The following ROBO1 variants were observed in gnomAD, a reference collection of about 807,000 sequenced individuals.
ROBO1 encodes roundabout homolog 1.
Under a neutral mutation model 195.9 loss-of-function variants are expected in ROBO1, and 149 were observed. The ratio of observed to expected loss-of-function variants is 0.76; its 90% confidence interval spans 0.67 to 0.87. ROBO1 has a LOEUF of 0.87. Ranked by LOEUF, ROBO1 falls within the 40% of genes least tolerant of loss-of-function variation. ROBO1 has a pLI of 0.00. For missense variants in ROBO1, 1,933 were observed against 2,068.3 expected (o/e 0.93, Z 1.27); for synonymous variants, 816 against 733.2 (o/e 1.11, Z -1.82).
intron 4 of ROBO1, among the ~76,000 whole-genome samples, chr3:78,861,610 C>T (rs1464938272): frequency 1.3e-5 from 2 of 152,180 alleles, no homozygotes; most frequent in South Asian, 2.1e-4. Flanking sequence ...TCTTTGCTCT[C>T]ATGTTATGTT....
At chr3:78,950,319 T>C (rs2040703241) in intron 3 of ROBO1, among the ~76,000 whole-genome samples, 1 of 151,952 alleles carries the variant, frequency 6.6e-6, no homozygotes, top group African/African-American at 2.4e-5. Flanking sequence ...CACCATGGAA[T>C]ACTATGCAAC....
intron 1 of ROBO1, among the ~76,000 whole-genome samples, chr3:79,596,906 T>G (rs1213835917): frequency 1.3e-5 from 2 of 152,000 alleles, no homozygotes; most frequent in Non-Finnish European, 2.9e-5. Flanking sequence ...TAGATGATTC[T>G]TAGTATATTA....
At chr3:79,715,801 A>G (rs761100443) in intron 1 of ROBO1, among the ~76,000 whole-genome samples, 1 of 152,100 alleles carries the variant, frequency 6.6e-6, no homozygotes. Flanking sequence ...TCTTAACCAC[A>G]TTCATTTCAA....
At chr3:78,977,600 T>C (rs562470046) in intron 3 of ROBO1, among the ~76,000 whole-genome samples, 44 of 150,408 alleles carry the variant, frequency 2.9e-4, no homozygotes, top group African/African-American at 9.7e-4. Context: ...AATATATATA[T>C]AATATATATT....
At position 78,971,965 on chromosome 3, in the gene ROBO1, A is replaced by G. The variant is rs112506992; in HGVS notation, c.173-33038T>C. Reference sequence around the variant, plus strand: ...GTATTTTTAGTAGAGAGGTGGTTTCACTATGTTGGCCAGGCTGGTCTCGAA... The same window carrying G: ...GTATTTTTAGTAGAGAGGTGGTTTCGCTATGTTGGCCAGGCTGGTCTCGAA... On this transcript the variant is annotated intron_variant, in intron 3 of 30. Coordinates refer to ENST00000464233, the MANE Select transcript of ROBO1 (RefSeq NM_002941.4). Among the ~76,000 whole-genome samples the G allele has an allele frequency of 3.0e-3, 460 of 152,216 alleles. 4 individuals are homozygous for G. The highest frequency in any genetic ancestry group is 0.011 in the African/African-American group (449 of 41,528).
chr3:78,688,153 C>T (rs1175430134), intron 9 of ROBO1, among the ~76,000 whole-genome samples: 1 of 152,090 alleles, frequency 6.6e-6, no homozygotes, highest in Admixed American at 6.6e-5. Flanking sequence ...TGATAGTTTT[C>T]AACACATTTG....
intron 2 of ROBO1, chr3:79,532,974 A>C (rs2107616807): frequency 3.3e-6 from 1 of 307,180 alleles, no homozygotes; most frequent in South Asian, 2.7e-5. Flanking sequence ...TAGTTAAATT[A>C]ATCATCTGCT....
intron 2 of ROBO1, among the ~76,000 whole-genome samples, chr3:79,169,179 C>T (rs1316652939): frequency 6.6e-6 from 1 of 152,050 alleles, no homozygotes; most frequent in Non-Finnish European, 1.5e-5. Context: ...TTCAAGAGTA[C>T]ATATTAGTGC....
intron 2 of ROBO1, among the ~76,000 whole-genome samples, chr3:79,503,039 A>G (rs1319468278): frequency 6.6e-6 from 1 of 152,034 alleles, no homozygotes; most frequent in African/African-American, 2.4e-5. Context: ...AACAGTGACA[A>G]CCTCTCAGGT....
At position 79,321,250 on chromosome 3, in the gene ROBO1, G is replaced by T. The variant is rs894076254; in HGVS notation, c.89-195711C>A. ...TATTGCTAGTGTGTTTTTTTCTATAGGGGTATTTACATTTGGAAATTTTTA... is the reference window on the plus strand; with the variant it reads ...TATTGCTAGTGTGTTTTTTTCTATATGGGTATTTACATTTGGAAATTTTTA... On this transcript the variant is annotated intron_variant, in intron 2 of 30. Transcript: ENST00000464233. Among the ~76,000 whole-genome samples, 5 of 151,602 alleles carry T rather than the reference G, an allele frequency of 3.3e-5. No homozygotes were observed. In the South Asian group the frequency reaches 6.2e-4, roughly 19 times the overall value.
chr3:79,284,422 T>G (rs1261964914), intron 2 of ROBO1, among the ~76,000 whole-genome samples: 1 of 152,162 alleles, frequency 6.6e-6, no homozygotes. Flanking sequence ...CCATGGCACA[T>G]GTATACCTAT....
intron 4 of ROBO1, among the ~76,000 whole-genome samples, chr3:78,919,714 T>G (rs115023497): frequency 6.6e-6 from 1 of 152,134 alleles, no homozygotes; most frequent in Non-Finnish European, 1.5e-5. Context: ...ACAGAAAAAG[T>G]TGAGGAAGGT....
chr3:79,549,442 C>T (rs950497450), intron 2 of ROBO1, among the ~76,000 whole-genome samples: 2 of 152,048 alleles, frequency 1.3e-5, no homozygotes, highest in African/African-American at 2.4e-5. Flanking sequence ...GTCGGCCCTC[C>T]GTATCTATGA....
At position 78,621,311 on chromosome 3, in the gene ROBO1, A is replaced by C. The variant is rs538415530; in HGVS notation, c.3876-3270T>G. Among the ~76,000 whole-genome samples, 5 of 152,342 alleles carry C rather than the reference A, an allele frequency of 3.3e-5. No individual in the cohort carries two copies. In the East Asian group the frequency reaches 7.7e-4, roughly 24 times the overall value. On this transcript the variant is annotated intron_variant, in intron 26 of 30. Transcript: ENST00000464233. ...GCATACAAACCCAAAATACCACAAG[A>C]AACTTCTTCCTTCTTAAAGACATGT...
chr3:79,506,996 C>T (rs908622467), intron 2 of ROBO1, among the ~76,000 whole-genome samples: 5 of 152,146 alleles, frequency 3.3e-5, no homozygotes, highest in Admixed American at 2.6e-4. Context: ...TTTATGCAGC[C>T]ACATCACCTA....
intron 8 of ROBO1, among the ~76,000 whole-genome samples, chr3:78,705,272 T>C (rs915513461): frequency 6.6e-6 from 1 of 152,192 alleles, no homozygotes; most frequent in Non-Finnish European, 1.5e-5. Context: ...TTTAATTTAG[T>C]TTTGGAAGAA....
chr3:78,912,738 T>C (rs575435456), intron 4 of ROBO1, among the ~76,000 whole-genome samples: 1 of 152,278 alleles, frequency 6.6e-6, no homozygotes, highest in Non-Finnish European at 1.5e-5. Context: ...TCAGGCTGTA[T>C]GTCACAATAA....
intron 19 of ROBO1, among the ~76,000 whole-genome samples, chr3:78,650,426 G>A (rs555529603): frequency 3.5e-4 from 53 of 152,280 alleles, no homozygotes; most frequent in South Asian, 1.2e-3. Flanking sequence ...CAGGCGGCAA[G>A]GAGATTTATT....
At chr3:79,404,806 T>C (rs1459249290) in intron 2 of ROBO1, among the ~76,000 whole-genome samples, 1 of 152,098 alleles carries the variant, frequency 6.6e-6, no homozygotes, top group African/African-American at 2.4e-5. Flanking sequence ...AATTAAATTA[T>C]TGGAATTTTA....
Sources: allele counts gnomAD v4.1 joint callset (sites outside exome capture counted in the v4.1 genomes callset), GRCh38; gene constraint gnomAD v4.1.1; transcripts MANE v1.5; gene names NCBI Gene and HGNC (gene_info 2026-07-23, HGNC 2026-07-21).